ADGRL3: variants seen among roughly 807,000 people sequenced by gnomAD.
ADGRL3 encodes the protein adhesion G protein-coupled receptor L3, also known as calcium-independent alpha-latrotoxin receptor 3.
ADGRL3 carries 62 observed loss-of-function variants against 153.5 expected under a neutral mutation model. That is an observed-to-expected ratio of 0.40 (90% confidence interval 0.33 to 0.50). The LOEUF is 0.50. Ranked by LOEUF, ADGRL3 falls within the 20% of genes least tolerant of loss-of-function variation. ADGRL3 has a pLI of 0.47. For synonymous variants in ADGRL3, 710 were observed against 672.5 expected (o/e 1.06, Z -0.86); for missense variants, 1,641 against 1,859.4 (o/e 0.88, Z 2.16).
chr4:61,377,648 A>G (rs912074216), intron 1 of ADGRL3, among the ~76,000 whole-genome samples: 1 of 152,046 alleles, frequency 6.6e-6, no homozygotes, highest in African/African-American at 2.4e-5. Flanking sequence ...ATTAGTAGTC[A>G]TTTTAACATT....
intron 2 of ADGRL3, among the ~76,000 whole-genome samples, chr4:61,493,687 C>T (rs1456836339): frequency 6.6e-6 from 1 of 152,178 alleles, no homozygotes; most frequent in Non-Finnish European, 1.5e-5. Flanking sequence ...TCCTGCCTGC[C>T]TCATGTATCC....
intron 5 of ADGRL3, among the ~76,000 whole-genome samples, chr4:61,634,430 C>G (rs1453060401): frequency 6.6e-6 from 1 of 151,994 alleles, no homozygotes; most frequent in Non-Finnish European, 1.5e-5. Flanking sequence ...AAGAGGCCAT[C>G]ATTAAAGTGA....
intron 1 of ADGRL3, among the ~76,000 whole-genome samples, chr4:61,295,681 A>G (rs1226110187): frequency 6.6e-6 from 1 of 152,074 alleles, no homozygotes; most frequent in Non-Finnish European, 1.5e-5. Flanking sequence ...CGGGCTGGGC[A>G]CAGTGGCTCA....
chr4:61,294,892 C>T lies in ADGRL3; in HGVS notation c.-239-88232C>T, dbSNP rs1375991371. Reference sequence around the variant, plus strand: ...GTCTTCAAATTAAATTTTACACACACACACACACACTCACACACACACACA... The same window carrying T: ...GTCTTCAAATTAAATTTTACACACATACACACACACTCACACACACACACA... On this transcript the variant is annotated intron_variant, in intron 1 of 26. Transcript: ENST00000683033. Among the ~76,000 whole-genome samples the T allele has an allele frequency of 8.9e-5, 4 of 44,770 alleles. No homozygotes were observed. In the East Asian group the frequency reaches 3.7e-3, roughly 42 times the overall value. 29.4% of individuals were successfully genotyped at this position (44,770 alleles called of 152,430 possible). A position where few individuals can be genotyped will look rare whatever the true frequency, so the allele number is the denominator to read the frequency against.
At chr4:61,950,606 C>A (rs2098943327) in intron 17 of ADGRL3, among the ~76,000 whole-genome samples, 1 of 152,160 alleles carries the variant, frequency 6.6e-6, no homozygotes, top group South Asian at 2.1e-4. Context: ...ACAAGAATTG[C>A]AGTTCAGGGT....
intron 3 of ADGRL3, among the ~76,000 whole-genome samples, chr4:61,516,424 CA>C (rs1325361076): frequency 6.6e-6 from 1 of 152,046 alleles, no homozygotes; most frequent in African/African-American, 2.4e-5. Flanking sequence ...TTTCTGTTGA[CA>C]GACAGATTTT....
intron 1 of ADGRL3, among the ~76,000 whole-genome samples, chr4:61,319,772 TA>T (rs2095314964): frequency 6.6e-6 from 1 of 152,196 alleles, no homozygotes; most frequent in Non-Finnish European, 1.5e-5. Flanking sequence ...TGTAGTAAAC[TA>T]GAGATCTCTG....
chr4:61,679,039 C>T (rs571538870), intron 6 of ADGRL3, among the ~76,000 whole-genome samples: 4 of 152,058 alleles, frequency 2.6e-5, no homozygotes, highest in South Asian at 2.1e-4. Flanking sequence ...AGGAATACCT[C>T]AGACTGGGTA....
At chr4:61,496,111 A>G (rs1326274424) in intron 2 of ADGRL3, among the ~76,000 whole-genome samples, 1 of 152,186 alleles carries the variant, frequency 6.6e-6, no homozygotes, top group Non-Finnish European at 1.5e-5. Flanking sequence ...TGTAAACATA[A>G]ATCTATGATG....
intron 4 of ADGRL3, among the ~76,000 whole-genome samples, chr4:61,524,737 C>G (rs532484255): frequency 3.9e-5 from 6 of 152,060 alleles, no homozygotes; most frequent in South Asian, 2.1e-4. Context: ...GTAAGTGTTC[C>G]CCACTGCTGT....
At chr4:61,955,585 C>CT (rs767563917) in intron 17 of ADGRL3, among the ~76,000 whole-genome samples, 29 of 151,966 alleles carry the variant, frequency 1.9e-4, no homozygotes, top group Non-Finnish European at 2.5e-4. Flanking sequence ...ATTTATTTTA[C>CT]TTTAAGTTCC....
chr4:61,660,790 G>A (rs2094572034), intron 5 of ADGRL3, among the ~76,000 whole-genome samples: 1 of 152,042 alleles, frequency 6.6e-6, no homozygotes, highest in African/African-American at 2.4e-5. Context: ...AAACCCAATT[G>A]ATCAAAAATG....
chr4:61,979,473 A>G (rs1185164140), intron 17 of ADGRL3, 90 bp from the exon 18 acceptor site: 1 of 1,003,942 alleles, frequency 1.0e-6, no homozygotes, highest in African/African-American at 1.6e-5. Context: ...GTGCATTATT[A>G]CTATCATGCT....
intron 5 of ADGRL3, among the ~76,000 whole-genome samples, chr4:61,657,338 C>A (rs2094468685): frequency 6.6e-6 from 1 of 152,048 alleles, no homozygotes; most frequent in Non-Finnish European, 1.5e-5. Context: ...AACTTCATAT[C>A]CCCCAAGAGC....
At chr4:61,930,728 A>G (rs972805916) in intron 13 of ADGRL3, among the ~76,000 whole-genome samples, 1 of 152,124 alleles carries the variant, frequency 6.6e-6, no homozygotes, top group African/African-American at 2.4e-5. Flanking sequence ...GTGAATCAAA[A>G]TGACTTTTGG....
chr4:61,856,950 C>CTCTTTCTTTCTTTCTT (rs55713412), intron 9 of ADGRL3, among the ~76,000 whole-genome samples: 187 of 56,996 alleles, frequency 3.3e-3, no homozygotes, highest in East Asian at 0.012. Context: ...CTTTCTTCTT[C>CTCTTTCTTTCTTTCTT]TCTTTCTTTC....
chr4:61,880,130 C>A (rs1357535141), intron 9 of ADGRL3, among the ~76,000 whole-genome samples: 1 of 152,136 alleles, frequency 6.6e-6, no homozygotes, highest in Non-Finnish European at 1.5e-5. Context: ...AAGTCCTCAA[C>A]CTACAGACTA....
rs1735242738 is a variant in ADGRL3, at chr4:61,202,580, T to A, written c.-240+815T>A. Among the ~76,000 whole-genome samples, 1 of 152,040 alleles carries A rather than the reference T, an allele frequency of 6.6e-6. No individual in the cohort carries two copies. The highest frequency in any genetic ancestry group is 2.4e-5 in the African/African-American group (1 of 41,386). ...GGCGGGGTGGGCAGAGCATTGGTGG[T>A]CGCGGTTGGCGGGTTACAGGTAGGA... On this transcript the variant is annotated intron_variant, in intron 1 of 26. Coordinates refer to ENST00000683033, the MANE Select transcript of ADGRL3 (RefSeq NM_001387552.1). This position sits in a 1 kb window ranked among gnomAD's most constrained non-coding sequence, Gnocchi z 5.0.
intron 9 of ADGRL3, among the ~76,000 whole-genome samples, chr4:61,872,358 GAAT>G (rs2098450447): frequency 1.3e-5 from 2 of 150,588 alleles, no homozygotes. Flanking sequence ...TGGCAGCAGA[GAAT>G]AATGCCTGCC....
Sources: allele counts gnomAD v4.1 joint callset (sites outside exome capture counted in the v4.1 genomes callset), GRCh38; gene constraint gnomAD v4.1.1; non-coding constraint Gnocchi (gnomAD v3.1); transcripts MANE v1.5; gene names NCBI Gene and HGNC (gene_info 2026-07-23, HGNC 2026-07-21).